Variants in ACVR1 observed in about 807,000 individuals in gnomAD.
The protein encoded by ACVR1 is activin receptor type-1.
ACVR1 carries 38 observed loss-of-function variants against 57.1 expected under a neutral mutation model. The ratio of observed to expected loss-of-function variants is 0.67; its 90% CI spans 0.51 to 0.87. The LOEUF (loss-of-function observed/expected upper bound fraction) is 0.87. Among genes scored for constraint, ACVR1 ranks in the 40% least tolerant of loss-of-function variants. The pLI, the probability that ACVR1 is intolerant of heterozygous loss-of-function variation, is 0.00. For missense variants in ACVR1, 463 were observed against 638.2 expected, an observed-to-expected ratio of 0.73 and a Z score of 2.96; for synonymous variants, 212 against 228.1, an observed-to-expected ratio of 0.93 and a Z score of 0.63.
In ACVR1 at chr2:157,780,478, G is replaced by A; in HGVS notation, c.190C>T (p.His64Tyr). 6.2e-7 allele frequency: 1 copy of A among 1,614,070 alleles called. No individual in the cohort carries two copies. The highest frequency in any genetic ancestry group is 8.5e-7 in the Non-Finnish European group (1 of 1,180,018). ...TGGAAGCAGCCTTTCTGGTAGACGTGGAAGCCATCGTTGATGCTCAGTGAG... is the reference window on the plus strand; with the variant it reads ...TGGAAGCAGCCTTTCTGGTAGACGTAGAAGCCATCGTTGATGCTCAGTGAG... ...FSSLSINDGF[H>Y]VYQKGCFQVY... The change falls in exon 4 of 11, where the codon CAC becomes TAC. Residue 64 changes from histidine (H) to tyrosine (Y), a missense_variant. Physicochemically the swap from His to Tyr is moderately conservative, Grantham distance 83 (BLOSUM62 2). Transcript: ENST00000434821.
At chr2:157,801,001 T>C (rs1422160565) in intron 2 of ACVR1, among the ~76,000 whole-genome samples, 3 of 152,096 alleles carry the variant, frequency 2.0e-5, no homozygotes, top group Non-Finnish European at 4.4e-5. Context: ...GCCCCCGGCA[T>C]GGAATCATAA....
chr2:157,777,561 C>A (rs746368223), intron 5 of ACVR1, among the ~76,000 whole-genome samples: 1 of 152,100 alleles, frequency 6.6e-6, no homozygotes, highest in Non-Finnish European at 1.5e-5. Flanking sequence ...AAGGTGGCTA[C>A]TTGAAAATTT....
chr2:157,792,270 G>A (rs1449934648), intron 3 of ACVR1, among the ~76,000 whole-genome samples: 1 of 152,002 alleles, frequency 6.6e-6, no homozygotes, highest in Non-Finnish European at 1.5e-5. Flanking sequence ...TCCATGTTCT[G>A]TTCTAGCCCG....
At chr2:157,795,377 AACACACACAC>A (rs4029027) in intron 3 of ACVR1, among the ~76,000 whole-genome samples, 4,948 of 134,014 alleles carry the variant, frequency 0.037, 118 homozygotes, top group East Asian at 0.13. Flanking sequence ...CCTTCCATAG[AACACACACAC>A]ACACACACAC....
In ACVR1 at chr2:157,821,626, C is replaced by T. The variant is rs563334452; in HGVS notation, c.-182-3067G>A. On this transcript the variant is annotated intron_variant, in intron 1 of 10. Coordinates refer to ENST00000434821, the MANE Select transcript of ACVR1 (RefSeq NM_001111067.4). ...AAATTTTCAAAAACCATTCATTGAG[C>T]TGAGTTTTTTTCCAAAAATTTAGCC... Among the ~76,000 whole-genome samples the T allele has an allele frequency of 9.3e-4, 142 of 152,286 alleles. 2 individuals carry two copies. The highest frequency in any genetic ancestry group is 1.9e-3 in the Non-Finnish European group (129 of 68,014).
rs765195676 is a variant in ACVR1 at position 157,778,274 on chromosome 2, C to A, written c.400G>T (p.Ala134Ser). 1.2e-6 allele frequency: 2 copies of A among 1,613,974 alleles called. No individual in the cohort carries two copies. The highest frequency in any genetic ancestry group is 1.3e-5 in the African/African-American group (1 of 74,980). Reference sequence around the variant, plus strand: ...AGCAGGCAGGCTAAAAGACATACTGCGAACACTACAGAGAGAATAATGAGG... The same window carrying A: ...AGCAGGCAGGCTAAAAGACATACTGAGAACACTACAGAGAGAATAATGAGG... Reference protein sequence around the residue: ...VGLIILSVVFAVCLLACLLGV... With the variant: ...VGLIILSVVFSVCLLACLLGV... The change falls in exon 5 of 11, where the codon GCA becomes TCA. Residue 134 changes from alanine to serine, a missense_variant. Transcript: ENST00000434821.
At chr2:157,820,927 C>A (rs1039699831) in intron 1 of ACVR1, among the ~76,000 whole-genome samples, 9 of 152,150 alleles carry the variant, frequency 5.9e-5, no homozygotes, top group Non-Finnish European at 8.8e-5. Context: ...AAAATTAAAT[C>A]TCCAAGTTAA....
At chr2:157,851,702 T>A (rs1036262623) in intron 1 of ACVR1, among the ~76,000 whole-genome samples, 4 of 152,140 alleles carry the variant, frequency 2.6e-5, no homozygotes, top group Non-Finnish European at 5.9e-5. Flanking sequence ...AGATATCGCA[T>A]CCCCTAACTT....
chr2:157,748,457 G>A (rs889768632), intron 9 of ACVR1, among the ~76,000 whole-genome samples: 3 of 152,090 alleles, frequency 2.0e-5, no homozygotes, highest in African/African-American at 7.2e-5. Flanking sequence ...GATTGGGGAG[G>A]GGGTGAGGAA....
Position 157,774,151 on chromosome 2 carries a change from A to C in ACVR1, c.580T>G (p.Ser194Ala). Residue 194 changes from serine (S) to alanine (A), a missense_variant, in exon 6 of 11, where the codon TCT becomes GCT. This residue lies in a region of ACVR1 where 114 missense variants were observed against 216.2 expected (regional missense o/e 0.53). Transcript: ENST00000434821. ...CTTTGTACCAGAAAAGGAAGACCAG[A>C]GCCACTTCCTGATGTACACGAATGA... ...LDHSCTSGSG[S>A]GLPFLVQRTV... 6.2e-7 allele frequency: 1 copy of C among 1,614,140 alleles called. No individual in the cohort carries two copies. The highest frequency in any genetic ancestry group is 8.5e-7 in the Non-Finnish European group (1 of 1,179,972).
At chr2:157,802,236 T>C (rs565346119) in intron 2 of ACVR1, among the ~76,000 whole-genome samples, 2 of 151,986 alleles carry the variant, frequency 1.3e-5, no homozygotes, top group East Asian at 1.9e-4. Flanking sequence ...AGGACACAGA[T>C]AGGGTAATAT....
intron 1 of ACVR1, among the ~76,000 whole-genome samples, chr2:157,838,062 T>A (rs1688847812): frequency 6.6e-6 from 1 of 151,776 alleles, no homozygotes; most frequent in South Asian, 2.1e-4. Context: ...CCAGTCTGAC[T>A]CTGTTATTAT....
Position 157,788,381 on chromosome 2 carries a change from C to G in ACVR1, c.68-7781G>C, listed in dbSNP as rs1686789752. Among the ~76,000 whole-genome samples the G allele has an allele frequency of 2.0e-5, 3 of 152,188 alleles. No homozygotes were observed. The South Asian group carries it at 6.2e-4, about 32-fold the overall frequency. On this transcript the variant is annotated intron_variant, in intron 3 of 10. Coordinates refer to ENST00000434821, the MANE Select transcript of ACVR1 (RefSeq NM_001111067.4). ...TGATGGAATCTCACGTTGTCCAGCT[C>G]CATCCTGCCCAGGACATGAATCATC... is the stretch of plus-strand genomic sequence containing the variant.
intron 2 of ACVR1, among the ~76,000 whole-genome samples, chr2:157,809,300 T>TG (rs1687666497): frequency 6.6e-6 from 1 of 152,194 alleles, no homozygotes; most frequent in Non-Finnish European, 1.5e-5. Flanking sequence ...ATGTGATTAA[T>TG]GGAATTCTCT....
At chr2:157,785,739 T>C (rs1686690129) in intron 3 of ACVR1, among the ~76,000 whole-genome samples, 2 of 152,138 alleles carry the variant, frequency 1.3e-5, no homozygotes, top group Non-Finnish European at 2.9e-5. Context: ...TGGGGGCAAA[T>C]AGAGGCATTC....
At chr2:157,790,797 T>C (rs900779062) in intron 3 of ACVR1, among the ~76,000 whole-genome samples, 8 of 152,182 alleles carry the variant, frequency 5.3e-5, no homozygotes, top group Non-Finnish European at 1.2e-4. Context: ...CCACACTCTA[T>C]GATCCACTTT....
chr2:157,801,770 T>C (rs1007383361), intron 2 of ACVR1, among the ~76,000 whole-genome samples: 9 of 152,176 alleles, frequency 5.9e-5, no homozygotes, highest in African/African-American at 2.2e-4. Context: ...AATTTACACA[T>C]TGAGGGTGCA....
At chr2:157,868,248 G>A (rs1417749126) in intron 1 of ACVR1, among the ~76,000 whole-genome samples, 1 of 152,016 alleles carries the variant, frequency 6.6e-6, no homozygotes, top group Non-Finnish European at 1.5e-5. Flanking sequence ...ACTCTGGGAG[G>A]CCGAGGTGGG....
chr2:157,819,420 C>A (rs982423456), intron 1 of ACVR1: 1 of 147,498 alleles, frequency 6.8e-6, no homozygotes, highest in Non-Finnish European at 1.5e-5. Flanking sequence ...GCGGAGGTTA[C>A]GGTGAGCCGA....
Sources: gnomAD v4.1 joint callset for allele counts (sites outside exome capture counted in the v4.1 genomes callset) on GRCh38, gnomAD v4.1.1 for gene constraint, gnomAD v4.1.1 regional missense constraint, MANE v1.5 for transcripts, NCBI Gene and HGNC (gene_info 2026-07-23, HGNC 2026-07-21) for gene names.